The following ARSB variants were observed in gnomAD, a reference collection of about 807,000 sequenced individuals.
The protein encoded by ARSB is arylsulfatase B, also known as N-acetylgalactosamine-4-sulfatase.
A neutral mutation model predicts 50.9 loss-of-function variants in ARSB; 41 were observed. That is an observed-to-expected ratio of 0.81 (90% CI 0.63 to 1.04). The LOEUF is 1.04. Among genes scored for constraint, ARSB ranks in the 50% least tolerant of loss-of-function variants. ARSB has a pLI of 0.00. For missense variants in ARSB, 672 were observed against 693.3 expected, an observed-to-expected ratio of 0.97 and a Z score of 0.35; for synonymous variants, 269 against 284.8, an observed-to-expected ratio of 0.94 and a Z score of 0.56.
chr5:78,941,674 T>C (rs1304043505), intron 4 of ARSB, among the ~76,000 whole-genome samples: 2 of 152,150 alleles, frequency 1.3e-5, no homozygotes, highest in African/African-American at 4.8e-5. Context: ...TGCTGCTGGA[T>C]TTGGTTTGCC....
At chr5:78,964,375 G>T (rs535669936) in intron 3 of ARSB, 41 bp downstream of exon 3, 1 of 1,576,884 alleles carries the variant, frequency 6.3e-7, no homozygotes, top group Non-Finnish European at 8.7e-7. Context: ...AGACATTAGT[G>T]TAACAAGATT....
At chr5:78,889,724 C>T (rs1484678995) in intron 4 of ARSB, among the ~76,000 whole-genome samples, 1 of 152,188 alleles carries the variant, frequency 6.6e-6, no homozygotes, top group Non-Finnish European at 1.5e-5. Flanking sequence ...ACAATGAAGC[C>T]TCATCCATAT....
At chr5:78,966,368 T>C (rs1349174479) in intron 2 of ARSB, among the ~76,000 whole-genome samples, 1 of 151,564 alleles carries the variant, frequency 6.6e-6, no homozygotes, top group South Asian at 2.1e-4. Context: ...GGGAAAAAAA[T>C]AGAAAATGCT....
chr5:78,939,504 T>G (rs1437649798), intron 4 of ARSB, among the ~76,000 whole-genome samples: 2 of 152,122 alleles, frequency 1.3e-5, no homozygotes, highest in Admixed American at 1.3e-4. Flanking sequence ...CATTGTTCAA[T>G]TCCCACCTAT....
At chr5:78,955,647 A>G (rs1461922976) in intron 3 of ARSB, 145 bp from the exon 4 acceptor site, 12 of 731,428 alleles carry the variant, frequency 1.6e-5, no homozygotes, top group Non-Finnish European at 2.6e-5. Flanking sequence ...AATCACATGT[A>G]TGATAAGGGA....
chr5:78,825,603 T>C (rs1744403568), intron 6 of ARSB, among the ~76,000 whole-genome samples: 1 of 152,204 alleles, frequency 6.6e-6, no homozygotes, highest in Admixed American at 6.5e-5. Flanking sequence ...CAACTTTCTT[T>C]AAATAAAATG....
intron 4 of ARSB, among the ~76,000 whole-genome samples, chr5:78,946,472 A>G (rs1751237853): frequency 6.6e-6 from 1 of 152,228 alleles, no homozygotes; most frequent in Non-Finnish European, 1.5e-5. Flanking sequence ...CCAACAGTGA[A>G]CAATCAGAAA....
At chr5:78,859,054 T>C (rs2112089336) in intron 5 of ARSB, among the ~76,000 whole-genome samples, 1 of 152,336 alleles carries the variant, frequency 6.6e-6, no homozygotes, top group South Asian at 2.1e-4. Context: ...TTTTAACCAC[T>C]ATCCCGGTGA....
In ARSB at chr5:78,955,767, TAAA is replaced by T. The variant is rs528509962; in HGVS notation, c.691-268_691-266del. On this transcript the variant is annotated intron_variant, in intron 3 of 7. Transcript: ENST00000264914. ...TCCAAAGAGGATACACAAAAGGCAA[TAAA>T]CACATGTAAAGACAGTCAACATCAT... Among the ~76,000 whole-genome samples the T allele has an allele frequency of 2.5e-4, 38 of 152,184 alleles. 1 individual carries two copies. The highest frequency in any genetic ancestry group is 2.4e-3 in the Admixed American group (37 of 15,284).
At chr5:78,851,224 G>A (rs560396238) in intron 5 of ARSB, among the ~76,000 whole-genome samples, 9 of 152,284 alleles carry the variant, frequency 5.9e-5, no homozygotes, top group African/African-American at 2.2e-4. Flanking sequence ...ACTACACACT[G>A]CTTTGAATGT....
intron 6 of ARSB, among the ~76,000 whole-genome samples, chr5:78,812,715 T>C (rs1314269838): frequency 1.3e-5 from 2 of 151,970 alleles, no homozygotes; most frequent in African/African-American, 2.4e-5. Flanking sequence ...ATTGATGGGC[T>C]GATGTGGTGG....
chr5:78,867,019 T>A (rs1251495117), intron 5 of ARSB, among the ~76,000 whole-genome samples: 1 of 151,718 alleles, frequency 6.6e-6, no homozygotes, highest in Non-Finnish European at 1.5e-5. Context: ...GCGCAAGGGG[T>A]CAGGGAGTTC....
At chr5:78,871,905 G>T (rs201523361) in intron 5 of ARSB, among the ~76,000 whole-genome samples, 2 of 148,012 alleles carry the variant, frequency 1.4e-5, no homozygotes, top group African/African-American at 4.9e-5. Flanking sequence ...GAAAATTTTC[G>T]CAACCTACTC....
At chr5:78,792,745 A>G (rs1743015780) in intron 6 of ARSB, among the ~76,000 whole-genome samples, 1 of 152,196 alleles carries the variant, frequency 6.6e-6, no homozygotes, top group Admixed American at 6.5e-5. Flanking sequence ...AGCCCAGGCA[A>G]ATAGGTAAAA....
chr5:78,920,790 G>A (rs1340685917), intron 4 of ARSB, among the ~76,000 whole-genome samples: 1 of 152,156 alleles, frequency 6.6e-6, no homozygotes, highest in Non-Finnish European at 1.5e-5. Context: ...GGCTCACATT[G>A]AGATCTGGCT....
At chr5:78,945,269 C>A (rs1321149065) in intron 4 of ARSB, among the ~76,000 whole-genome samples, 1 of 152,180 alleles carries the variant, frequency 6.6e-6, no homozygotes, top group African/African-American at 2.4e-5. Flanking sequence ...AGGCTCAGTG[C>A]ACCACACCCA....
At chr5:78,799,461 G>A (rs1481596674) in intron 6 of ARSB, among the ~76,000 whole-genome samples, 1 of 152,196 alleles carries the variant, frequency 6.6e-6, no homozygotes, top group East Asian at 1.9e-4. Context: ...CTGAAGCTGT[G>A]CTGGCTAGCC....
At chr5:78,876,312 T>C (rs1158055442) in intron 5 of ARSB, among the ~76,000 whole-genome samples, 2 of 152,134 alleles carry the variant, frequency 1.3e-5, no homozygotes. Context: ...AAGTGAGAAA[T>C]AGGCAAGAAA....
intron 4 of ARSB, among the ~76,000 whole-genome samples, chr5:78,886,525 A>C (rs1278133430): frequency 6.6e-6 from 1 of 152,214 alleles, no homozygotes; most frequent in Non-Finnish European, 1.5e-5. Flanking sequence ...TTCTCTTCCA[A>C]GACAACAGAA....
Sources: allele counts gnomAD v4.1 joint callset (sites outside exome capture counted in the v4.1 genomes callset), GRCh38; gene constraint gnomAD v4.1.1; transcripts MANE v1.5; gene names NCBI Gene and HGNC (gene_info 2026-07-23, HGNC 2026-07-21).